Variants in RNF144A observed in about 807,000 individuals in gnomAD.
RNF144A encodes the protein E3 ubiquitin-protein ligase RNF144A.
Under a neutral mutation model 38.7 loss-of-function variants are expected in RNF144A, and 11 were observed. The ratio of observed to expected loss-of-function variants is 0.28; its 90% CI spans 0.18 to 0.47. The LOEUF is 0.47. RNF144A is among the 20% of genes least tolerant of loss of function. The probability of loss-of-function intolerance (pLI) is 0.99; values close to 1 mark genes in which losing one functional copy is unlikely to be tolerated. For synonymous variants in RNF144A, 149 were observed against 143.9 expected (o/e 1.04, Z -0.25); for missense variants, 316 against 377.2 (o/e 0.84, Z 1.34).
intron 5 of RNF144A, among the ~76,000 whole-genome samples, chr2:7,017,329 T>TC (rs1427521270): frequency 6.6e-6 from 1 of 151,594 alleles, no homozygotes; most frequent in Non-Finnish European, 1.5e-5. Context: ...TTGTTTTTTT[T>TC]TTTTAAAGTA....
chr2:7,028,473 C>T (rs986763389), intron 7 of RNF144A, among the ~76,000 whole-genome samples: 2 of 152,150 alleles, frequency 1.3e-5, no homozygotes, highest in African/African-American at 4.8e-5. Context: ...CCAGGTGGCT[C>T]GGATGTGCAG....
intron 3 of RNF144A, among the ~76,000 whole-genome samples, chr2:7,005,131 G>A (rs1670357181): frequency 2.0e-5 from 3 of 152,350 alleles, no homozygotes; most frequent in East Asian, 3.9e-4. Context: ...GGCCTGCCCT[G>A]GTAAGAGTGA....
At position 7,040,536 on chromosome 2, in the gene RNF144A, T is replaced by C. The variant is rs1047233778; in HGVS notation, c.*776T>C. 4.1e-6 allele frequency: 4 copies of C among 985,354 alleles called. No individual in the cohort carries two copies. The highest frequency in any genetic ancestry group is 1.7e-5 in the African/African-American group (1 of 57,242). The allele number at this position is 985,354 out of a possible 1,614,324, so 61.0% of individuals were successfully genotyped here. A position where few individuals can be genotyped will look rare whatever the true frequency, so the allele number is the denominator to read the frequency against. ...TCCATTAGATTTGCCTTTTGTTGTT[T>C]TCTCTCTTTGGTGATTCAGCTCAGC... On this transcript the variant is annotated 3_prime_UTR_variant, in exon 9 of 9. Coordinates refer to ENST00000320892, the MANE Select transcript of RNF144A (RefSeq NM_014746.6).
intron 2 of RNF144A, among the ~76,000 whole-genome samples, chr2:6,970,634 A>G (rs1391916655): frequency 2.6e-5 from 4 of 152,182 alleles, no homozygotes; most frequent in Non-Finnish European, 4.4e-5. Context: ...CTCATTTTAT[A>G]CAGGAGAAAA....
intron 5 of RNF144A, among the ~76,000 whole-genome samples, chr2:7,018,581 TCTGCCCC>T (rs1449857826): frequency 1.3e-5 from 2 of 152,248 alleles, no homozygotes; most frequent in Non-Finnish European, 2.9e-5. Context: ...GCCCCAGGCA[TCTGCCCC>T]CACACATGTG....
In RNF144A at chr2:6,941,734, G is replaced by A. The variant is rs80258773; in HGVS notation, c.-12+587G>A. Among the ~76,000 whole-genome samples, 897 of 152,386 alleles carry A rather than the reference G, an allele frequency of 5.9e-3. 16 individuals are homozygous for A. Among genetic ancestry groups the A allele is most frequent in the African/African-American group, 0.02 (851 of 41,592 alleles). On this transcript the variant is annotated intron_variant, in intron 2 of 8. Coordinates refer to ENST00000320892, the MANE Select transcript of RNF144A (RefSeq NM_014746.6). The surrounding 1 kb of genome is among the most constrained non-coding windows in gnomAD (Gnocchi z 6.5). ...AGTTTTAAGTGGAGTGGTCAGGGAGGTCTCTAAAGGTGAAATTGAACATGC... is the reference window on the plus strand; with the variant it reads ...AGTTTTAAGTGGAGTGGTCAGGGAGATCTCTAAAGGTGAAATTGAACATGC...
intron 2 of RNF144A, among the ~76,000 whole-genome samples, chr2:6,992,106 G>A (rs777340981): frequency 2.6e-5 from 4 of 151,920 alleles, no homozygotes; most frequent in Non-Finnish European, 5.9e-5. Flanking sequence ...GTTGAAGAAC[G>A]GTGCACTTGG....
intron 1 of RNF144A, among the ~76,000 whole-genome samples, chr2:6,939,759 G>C (rs1046523895): frequency 4.0e-5 from 6 of 151,568 alleles, no homozygotes; most frequent in African/African-American, 1.5e-4. Context: ...AAGGTTTAAG[G>C]TCTGTGTTTA....
intron 2 of RNF144A, among the ~76,000 whole-genome samples, chr2:6,988,169 T>G (rs930425339): frequency 6.6e-6 from 1 of 152,242 alleles, no homozygotes; most frequent in Non-Finnish European, 1.5e-5. Flanking sequence ...TGGACCGATA[T>G]GGATTTAGAT....
intron 2 of RNF144A, among the ~76,000 whole-genome samples, chr2:6,982,370 A>T (rs1668687617): frequency 6.6e-6 from 1 of 152,108 alleles, no homozygotes; most frequent in South Asian, 2.1e-4. Flanking sequence ...CGCCCATCAC[A>T]TTTACTTGGC....
intron 3 of RNF144A, among the ~76,000 whole-genome samples, chr2:7,004,062 G>C (rs942979122): frequency 7.2e-5 from 11 of 152,218 alleles, no homozygotes; most frequent in Non-Finnish European, 1.6e-4. Flanking sequence ...CTGAAAGAAA[G>C]GTGGGACTCT....
chr2:7,049,811 T>C (rs866039571), intron 6 of RNF144A, among the ~76,000 whole-genome samples: 23 of 152,166 alleles, frequency 1.5e-4, no homozygotes, highest in African/African-American at 5.6e-4. Flanking sequence ...CAAAGTGAGC[T>C]TCTGTCTTGC....
At chr2:6,938,247 T>TC (rs1558364916) in intron 1 of RNF144A, among the ~76,000 whole-genome samples, 3 of 29,800 alleles carry the variant, frequency 1.0e-4, no homozygotes, top group African/African-American at 2.2e-4. Context: ...TCCCCTCCCC[T>TC]CCCTTTTTTT....
Position 7,042,371 on chromosome 2 carries a change from T to C in RNF144A, c.*2611T>C. 1.0e-6 allele frequency: 1 copy of C among 985,414 alleles called. No homozygotes were observed. The highest frequency in any genetic ancestry group is 1.2e-6 in the Non-Finnish European group (1 of 829,934). 61.0% of individuals were successfully genotyped at this position (985,414 alleles called of 1,614,324 possible). A position where few individuals can be genotyped will look rare whatever the true frequency, so the allele number is the denominator to read the frequency against. On this transcript the variant is annotated 3_prime_UTR_variant, in exon 9 of 9. Coordinates refer to ENST00000320892, the MANE Select transcript of RNF144A (RefSeq NM_014746.6). ...GACTTATTCCTGTGAAGCGGCATAA[T>C]TTGTCTCCATTGAAAAATGGCATTC... is the stretch of plus-strand genomic sequence containing the variant.
intron 6 of RNF144A, among the ~76,000 whole-genome samples, chr2:7,023,956 T>A (rs1671700650): frequency 6.6e-6 from 1 of 152,216 alleles, no homozygotes; most frequent in East Asian, 1.9e-4. Context: ...ATTTTTCTTA[T>A]AACAGCAAAG....
intron 2 of RNF144A, among the ~76,000 whole-genome samples, chr2:6,976,993 T>G (rs186185187): frequency 3.7e-4 from 57 of 152,322 alleles, no homozygotes; most frequent in African/African-American, 1.3e-3. Context: ...ATGCCTGCAA[T>G]TATTTGTTCA....
At chr2:6,972,336 C>T (rs1298046624) in intron 2 of RNF144A, among the ~76,000 whole-genome samples, 5 of 152,208 alleles carry the variant, frequency 3.3e-5, no homozygotes, top group African/African-American at 1.2e-4. Context: ...GATAACTTTC[C>T]TCCTAGCTAC....
At chr2:6,920,774 C>G (rs189594513) in intron 1 of RNF144A, among the ~76,000 whole-genome samples, 1 of 152,338 alleles carries the variant, frequency 6.6e-6, no homozygotes, top group African/African-American at 2.4e-5. Flanking sequence ...ATTACTGAAA[C>G]ACATGAATAC....
At chr2:6,995,609 T>C (rs2012548) in intron 2 of RNF144A, among the ~76,000 whole-genome samples, 10,443 of 152,212 alleles carry the variant, frequency 0.069, 652 homozygotes, top group East Asian at 0.19. Flanking sequence ...TGGAGTCCGA[T>C]GTTCGAGGGC....
Sources: allele counts gnomAD v4.1 joint callset (sites outside exome capture counted in the v4.1 genomes callset), GRCh38; gene constraint gnomAD v4.1.1; non-coding constraint Gnocchi (gnomAD v3.1); transcripts MANE v1.5; gene names NCBI Gene and HGNC (gene_info 2026-07-23, HGNC 2026-07-21).